Variants in NEMF observed in about 807,000 individuals in gnomAD.
NEMF encodes nuclear export mediator factor.
NEMF carries 89 observed loss-of-function variants against 162.2 expected under a neutral mutation model. That is an observed-to-expected ratio of 0.55 (90% confidence interval 0.46 to 0.65). The LOEUF is 0.65. Among genes scored for constraint, NEMF ranks in the 30% least tolerant of loss-of-function variants. The pLI, the probability that NEMF is intolerant of heterozygous loss-of-function variation, is 0.00. For missense variants in NEMF, 1,133 were observed against 1,261.9 expected (o/e 0.90, Z 1.55); for synonymous variants, 421 against 404.5 (o/e 1.04, Z -0.49).
intron 28 of NEMF, among the ~76,000 whole-genome samples, chr14:49,788,017 G>A (rs911859719): frequency 9.2e-5 from 14 of 151,990 alleles, no homozygotes; most frequent in African/African-American, 2.9e-4. Context: ...TGTGTCTTAC[G>A]CCTGTAATCC....
intron 10 of NEMF, among the ~76,000 whole-genome samples, 195 bp from the exon 11 acceptor site, chr14:49,831,556 G>C (rs1892640243): frequency 6.6e-6 from 1 of 151,972 alleles, no homozygotes; most frequent in African/African-American, 2.4e-5. Flanking sequence ...TCCTGCCTCA[G>C]CCTCTCAAAC....
chr14:49,795,989 A>G, intron 25 of NEMF, 45 bp from the exon 26 acceptor site: 1 of 1,515,238 alleles, frequency 6.6e-7, no homozygotes, highest in Non-Finnish European at 9.0e-7. Context: ...AGAATTTGAA[A>G]TTCTTAGTGC....
At chr14:49,801,837 A>G (rs1383677859) in intron 22 of NEMF, among the ~76,000 whole-genome samples, 1 of 152,180 alleles carries the variant, frequency 6.6e-6, no homozygotes, top group African/African-American at 2.4e-5. Context: ...ACTAAATGCT[A>G]ATGCACATTT....
intron 18 of NEMF, among the ~76,000 whole-genome samples, chr14:49,811,897 C>G (rs1486069672): frequency 6.6e-6 from 1 of 151,984 alleles, no homozygotes; most frequent in Non-Finnish European, 1.5e-5. Flanking sequence ...CTGTAGTTTT[C>G]TTGTGTTATC....
intron 26 of NEMF, among the ~76,000 whole-genome samples, chr14:49,794,005 T>G (rs1890573255): frequency 6.6e-6 from 1 of 152,204 alleles, no homozygotes; most frequent in Non-Finnish European, 1.5e-5. Flanking sequence ...TTCACATGGT[T>G]AGCCATCATT....
At chr14:49,795,331 C>A (rs1302316161) in intron 26 of NEMF, among the ~76,000 whole-genome samples, 1 of 107,266 alleles carries the variant, frequency 9.3e-6, no homozygotes, top group Non-Finnish European at 1.7e-5. Flanking sequence ...CAGAGCAAGA[C>A]TATCTTGGGG....
At chr14:49,846,035 C>T in intron 4 of NEMF, 105 bp downstream of exon 4, 2 of 931,024 alleles carry the variant, frequency 2.1e-6, no homozygotes, top group Non-Finnish European at 3.2e-6. Flanking sequence ...GTAGTAACAA[C>T]CTTTGACACA....
rs1394026153 is a variant in NEMF at position 49,788,185 on chromosome 14, C to G, written c.2895+961G>C. Among the ~76,000 whole-genome samples, 10 of 143,018 alleles carry G rather than the reference C, an allele frequency of 7.0e-5. No individual in the cohort carries two copies. The South Asian group carries it at 1.3e-3, about 19-fold the overall frequency. The allele number at this position is 143,018 out of a possible 152,430, so 93.8% of individuals were successfully genotyped here. A position where few individuals can be genotyped will look rare whatever the true frequency, so the allele number is the denominator to read the frequency against. On this transcript the variant is annotated intron_variant, in intron 28 of 32. Coordinates refer to ENST00000298310, the MANE Select transcript of NEMF (RefSeq NM_004713.6). ...TCCCAGCTACTCAGAAGGCTGAGGC[C>G]GGATAATTGCTTGAATCCGGGAGGT...
chr14:49,785,369 C>T (rs1314741959), intron 29 of NEMF, 49 bp from the exon 30 acceptor site: 3 of 1,271,384 alleles, frequency 2.4e-6, no homozygotes, highest in Non-Finnish European at 2.3e-6. Flanking sequence ...CCGCCCTTTA[C>T]AAAAAATGCT....
rs771257000 is a variant in NEMF, at chr14:49,784,632, T to A, written c.*4A>T. Reference sequence around the variant, plus strand: ...TTCTCAAATATTTTAGAATTTCATTTCAGCTATTTCCTTTTTACGTTCAGA... The same window carrying A: ...TTCTCAAATATTTTAGAATTTCATTACAGCTATTTCCTTTTTACGTTCAGA... On this transcript the variant is annotated 3_prime_UTR_variant, in exon 33 of 33. Coordinates refer to ENST00000298310, the MANE Select transcript of NEMF (RefSeq NM_004713.6). 46 of 1,598,904 alleles carry A rather than the reference T, an allele frequency of 2.9e-5. 1 individual carries two copies. In the South Asian group the frequency reaches 5.1e-4, roughly 18 times the overall value.
At chr14:49,789,786 GAAGT>G (rs1166749651) in intron 26 of NEMF, among the ~76,000 whole-genome samples, 6 of 152,188 alleles carry the variant, frequency 3.9e-5, no homozygotes, top group African/African-American at 1.4e-4. Context: ...GATACACAGA[GAAGT>G]AAGAATACAT....
chr14:49,834,478 T>C, intron 6 of NEMF, 29 bp from the exon 7 acceptor site: 2 of 1,400,186 alleles, frequency 1.4e-6, no homozygotes, highest in Non-Finnish European at 2.0e-6. Context: ...TTACTTTTAG[T>C]ATTTTCCTAT....
At chr14:49,790,372 A>C (rs927018852) in intron 26 of NEMF, among the ~76,000 whole-genome samples, 1 of 152,196 alleles carries the variant, frequency 6.6e-6, no homozygotes, top group Non-Finnish European at 1.5e-5. Flanking sequence ...CCAATTTTTA[A>C]AATAGGCACT....
intron 3 of NEMF, among the ~76,000 whole-genome samples, chr14:49,846,565 A>G (rs780812961): frequency 1.8e-4 from 27 of 152,310 alleles, no homozygotes; most frequent in Non-Finnish European, 2.9e-4. Context: ...TCCCTGGCTC[A>G]GGTGATCCTC....
chr14:49,825,605 A>C (rs187272317), intron 16 of NEMF, among the ~76,000 whole-genome samples: 1 of 152,124 alleles, frequency 6.6e-6, no homozygotes, highest in Non-Finnish European at 1.5e-5. Context: ...GCACAGTGGC[A>C]TGTGCCTGTA....
intron 3 of NEMF, among the ~76,000 whole-genome samples, chr14:49,846,782 A>G (rs541550875): frequency 1.3e-5 from 2 of 152,124 alleles, no homozygotes; most frequent in South Asian, 2.1e-4. Flanking sequence ...TCAATTTTTA[A>G]GTAGAGAATG....
Position 49,833,534 on chromosome 14 carries a change from A to G in NEMF, c.662-38T>C, listed in dbSNP as rs772195508. ...GAAAAAAAGGAAAAAAGGAGTGCCA[A>G]TCAAGTGTCAATTAACCGTGGCTAA... On this transcript the variant is annotated intron_variant, in intron 7 of 32. Transcript: ENST00000298310. The G allele has an allele frequency of 1.7e-5, 23 of 1,376,910 alleles. 1 individual carries two copies. The South Asian group carries it at 2.5e-4, about 15-fold the overall frequency. The allele number at this position is 1,376,910 out of a possible 1,614,324, so 85.3% of individuals were successfully genotyped here. A position where few individuals can be genotyped will look rare whatever the true frequency, so the allele number is the denominator to read the frequency against.
rs528291530 is a variant in NEMF, at chr14:49,829,033, TTGAC to T, written c.1232+17_1232+20del. 5.6e-5 allele frequency: 89 copies of T among 1,600,104 alleles called. No individual in the cohort carries two copies. In the African/African-American group the frequency reaches 7.8e-4, roughly 14 times the overall value. On this transcript the variant is annotated intron_variant, in intron 13 of 32. Coordinates refer to ENST00000298310, the MANE Select transcript of NEMF (RefSeq NM_004713.6). ...CAAAATAAAGACAAGCATTAACTGCTTGACTAAGAGTCAAACTTACCTTAGCAGC... is the reference window on the plus strand; with the variant it reads ...CAAAATAAAGACAAGCATTAACTGCTTAAGAGTCAAACTTACCTTAGCAGC...
chr14:49,806,242 ATATATATATATATATTTTTTT>A (rs1418605075), intron 18 of NEMF, 109 bp from the exon 19 acceptor site: 2 of 13,218 alleles, frequency 1.5e-4, no homozygotes, highest in Non-Finnish European at 3.3e-4. Flanking sequence ...GTATATATAT[ATATATATATATATATTTTTTT>A]TTTTTTTTTT....
Sources: gnomAD v4.1 joint callset for allele counts (sites outside exome capture counted in the v4.1 genomes callset) on GRCh38, gnomAD v4.1.1 for gene constraint, MANE v1.5 for transcripts, NCBI Gene and HGNC (gene_info 2026-07-23, HGNC 2026-07-21) for gene names.